Variants in DIP2B observed in about 807,000 individuals in gnomAD.
DIP2B encodes DIP2 acetate--CoA ligase B (putative), also known as disco-interacting protein 2 homolog B.
Under a neutral mutation model 198.0 loss-of-function variants are expected in DIP2B, and 76 were observed. The observed-to-expected ratio is 0.38, with a 90% confidence interval of 0.32 to 0.46. The LOEUF (loss-of-function observed/expected upper bound fraction) is 0.46, where lower values mean the gene tolerates loss of function less well. Ranked by LOEUF, DIP2B falls within the 20% of genes least tolerant of loss-of-function variation. The pLI, the probability that DIP2B is intolerant of heterozygous loss-of-function variation, is 0.99. For missense variants in DIP2B, 1,559 were observed against 1,978.4 expected, an observed-to-expected ratio of 0.79 and a Z score of 4.02; for synonymous variants, 701 against 739.1, an observed-to-expected ratio of 0.95 and a Z score of 0.84.
intron 3 of DIP2B, among the ~76,000 whole-genome samples, chr12:50,659,019 A>G (rs1363375206): frequency 6.6e-6 from 1 of 152,152 alleles, no homozygotes; most frequent in Non-Finnish European, 1.5e-5. Flanking sequence ...CCTGGGAGGC[A>G]GAGGTTGCAG....
At chr12:50,674,684 C>A in intron 6 of DIP2B, 55 bp downstream of exon 6, 2 of 1,600,170 alleles carry the variant, frequency 1.2e-6, no homozygotes, top group South Asian at 2.2e-5. Flanking sequence ...TAGAAAAATT[C>A]AAATTATGAA....
intron 3 of DIP2B, among the ~76,000 whole-genome samples, chr12:50,642,861 A>G (rs751421417): frequency 1.2e-4 from 18 of 152,166 alleles, no homozygotes; most frequent in Non-Finnish European, 1.9e-4. Context: ...GGAAGTAGCA[A>G]AGCATTCAGG....
chr12:50,662,936 C>A (rs1388612414), intron 4 of DIP2B, among the ~76,000 whole-genome samples: 2 of 151,704 alleles, frequency 1.3e-5, no homozygotes, highest in African/African-American at 4.8e-5. Flanking sequence ...AGGTGAAACC[C>A]CGTCCCGGCT....
chr12:50,718,595 T>C (rs1565881068), intron 23 of DIP2B, 114 bp from the exon 24 acceptor site: 5 of 888,724 alleles, frequency 5.6e-6, no homozygotes, highest in Non-Finnish European at 9.0e-6. Context: ...AGAAGAGTGT[T>C]CAGGCAGTAT....
chr12:50,701,244 T>C (rs1441522879), intron 19 of DIP2B, among the ~76,000 whole-genome samples: 1 of 152,230 alleles, frequency 6.6e-6, no homozygotes, highest in Non-Finnish European at 1.5e-5. Flanking sequence ...AGCTAGTATC[T>C]GGGTTTTCCA....
chr12:50,621,596 G>C (rs746592910), intron 1 of DIP2B, among the ~76,000 whole-genome samples: 2 of 152,180 alleles, frequency 1.3e-5, no homozygotes, highest in African/African-American at 2.4e-5. Flanking sequence ...CTGCCCTCAA[G>C]TGCACAGTCT....
intron 1 of DIP2B, among the ~76,000 whole-genome samples, chr12:50,520,143 T>C (rs1473707641): frequency 2.0e-5 from 3 of 148,924 alleles, no homozygotes; most frequent in African/African-American, 7.4e-5. Flanking sequence ...GTTCAAGCCA[T>C]TGTCCTGCCT....
At chr12:50,583,571 A>G (rs2139422028) in intron 1 of DIP2B, among the ~76,000 whole-genome samples, 1 of 152,342 alleles carries the variant, frequency 6.6e-6, no homozygotes, top group East Asian at 1.9e-4. Flanking sequence ...TGGAAGTGAT[A>G]CAAATTCAGT....
At chr12:50,610,792 C>T (rs1465417239) in intron 1 of DIP2B, among the ~76,000 whole-genome samples, 1 of 150,474 alleles carries the variant, frequency 6.6e-6, no homozygotes, top group Non-Finnish European at 1.5e-5. Flanking sequence ...AGGCATGAGC[C>T]ACTGTGCCCA....
intron 3 of DIP2B, among the ~76,000 whole-genome samples, chr12:50,656,589 TGAGA>T (rs1938558026): frequency 6.6e-6 from 1 of 152,258 alleles, no homozygotes; most frequent in African/African-American, 2.4e-5. Context: ...TTTTTTCTTT[TGAGA>T]TGGAGTCTCG....
At chr12:50,714,668 C>G (rs1437632028) in intron 23 of DIP2B, 72 bp downstream of exon 23, 1 of 1,563,212 alleles carries the variant, frequency 6.4e-7, no homozygotes, top group Non-Finnish European at 8.7e-7. Context: ...CAGTGTGATT[C>G]TTTCTCTACA....
intron 1 of DIP2B, among the ~76,000 whole-genome samples, chr12:50,526,626 C>CTTTTTTTTTTTT (rs11423846): frequency 3.1e-5 from 2 of 64,194 alleles, no homozygotes; most frequent in African/African-American, 1.4e-4. Flanking sequence ...TTTCCTCTGC[C>CTTTTTTTTTTTT]TTTTTTTTTT....
chr12:50,643,370 G>A (rs1012455780), intron 3 of DIP2B, among the ~76,000 whole-genome samples: 1 of 146,958 alleles, frequency 6.8e-6, no homozygotes, highest in Non-Finnish European at 1.5e-5. Flanking sequence ...TAGAGAGTTT[G>A]TAACAATTGT....
At chr12:50,505,342 G>T in intron 1 of DIP2B, 102 bp downstream of exon 1, 1 of 943,876 alleles carries the variant, frequency 1.1e-6, no homozygotes, top group Non-Finnish European at 1.5e-6. Context: ...CGGCGAGGGG[G>T]ACGAGGGTGT....
At chr12:50,610,011 AT>A (rs935658548) in intron 1 of DIP2B, among the ~76,000 whole-genome samples, 4 of 152,366 alleles carry the variant, frequency 2.6e-5, no homozygotes, top group Admixed American at 2.6e-4. Flanking sequence ...TAATGCAGGA[AT>A]TTTAATAAAG....
intron 1 of DIP2B, among the ~76,000 whole-genome samples, chr12:50,541,164 A>G (rs1047210097): frequency 5.9e-5 from 9 of 152,294 alleles, no homozygotes; most frequent in South Asian, 2.1e-4. Flanking sequence ...GTTAATTACA[A>G]TTTTTGGAAG....
chr12:50,566,229 G>A (rs1387127400), intron 1 of DIP2B, among the ~76,000 whole-genome samples: 1 of 151,788 alleles, frequency 6.6e-6, no homozygotes, highest in African/African-American at 2.4e-5. Flanking sequence ...TTGTAAAGTT[G>A]GAATTTTGCC....
At chr12:50,695,749 T>C in intron 15 of DIP2B, 99 bp from the exon 16 acceptor site, 1 of 1,509,122 alleles carries the variant, frequency 6.6e-7, no homozygotes, top group Non-Finnish European at 9.0e-7. Flanking sequence ...CAAGCAAATA[T>C]CATGATTCCC....
chr12:50,513,478 CAT>C (rs772961840), intron 1 of DIP2B, among the ~76,000 whole-genome samples: 4 of 152,224 alleles, frequency 2.6e-5, no homozygotes, highest in Non-Finnish European at 2.9e-5. Flanking sequence ...TGAAAAGGGA[CAT>C]ATGGATGTTT....
Sources: allele counts gnomAD v4.1 joint callset (sites outside exome capture counted in the v4.1 genomes callset), GRCh38; gene constraint gnomAD v4.1.1; transcripts MANE v1.5; gene names NCBI Gene and HGNC (gene_info 2026-07-23, HGNC 2026-07-21).